Variants in SGMS1 observed in about 807,000 individuals in gnomAD.
SGMS1 encodes the protein phosphatidylcholine:ceramide cholinephosphotransferase 1.
In SGMS1, 13 loss-of-function variants were observed where a neutral mutation model predicts 46.2. The ratio of observed to expected loss-of-function variants is 0.28; its 90% CI spans 0.18 to 0.45. The LOEUF (loss-of-function observed/expected upper bound fraction) is 0.45, where lower values mean the gene tolerates loss of function less well. Among genes scored for constraint, SGMS1 ranks in the 20% least tolerant of loss-of-function variants. SGMS1 has a pLI of 1.00. For missense variants in SGMS1, 324 were observed against 519.9 expected, an observed-to-expected ratio of 0.62 and a Z score of 3.66; for synonymous variants, 203 against 187.8, an observed-to-expected ratio of 1.08 and a Z score of -0.66.
chr10:50,439,634 G>A (rs185500784), intron 5 of SGMS1, among the ~76,000 whole-genome samples: 2 of 152,260 alleles, frequency 1.3e-5, no homozygotes, highest in East Asian at 3.9e-4. Flanking sequence ...AGCTCCTACA[G>A]TACTTCTAAA....
intron 3 of SGMS1, among the ~76,000 whole-genome samples, chr10:50,480,115 C>T (rs894200067): frequency 2.6e-5 from 4 of 151,884 alleles, no homozygotes; most frequent in African/African-American, 9.7e-5. Context: ...GAAGGATGAA[C>T]GTCTATAGTA....
rs749970118 is a variant in SGMS1, at chr10:50,614,059, TTGTC to T, written c.-684+9644_-684+9647del. On this transcript the variant is annotated intron_variant, in intron 1 of 10. Coordinates refer to ENST00000361781, the MANE Select transcript of SGMS1 (RefSeq NM_147156.4). ...TTATGTATCTCAATATACTTTTAAT[TTGTC>T]TGTGCCTAAATTCCTCCATGGGGAT... Among the ~76,000 whole-genome samples the T allele has an allele frequency of 4.6e-5, 7 of 152,334 alleles. No individual in the cohort carries two copies. In the East Asian group the frequency reaches 1.3e-3, roughly 29 times the overall value.
chr10:50,471,012 T>A (rs532541433), intron 3 of SGMS1, among the ~76,000 whole-genome samples: 7 of 152,200 alleles, frequency 4.6e-5, no homozygotes, highest in South Asian at 2.1e-4. Flanking sequence ...TAATGAGGCA[T>A]AAAAATTCCC....
chr10:50,408,276 C>T (rs1043301633), intron 6 of SGMS1, among the ~76,000 whole-genome samples: 1 of 151,890 alleles, frequency 6.6e-6, no homozygotes, highest in African/African-American at 2.4e-5. Context: ...CATAGAAATA[C>T]TAGCCCTTTT....
At chr10:50,459,390 T>G (rs1837236055) in intron 5 of SGMS1, among the ~76,000 whole-genome samples, 1 of 152,186 alleles carries the variant, frequency 6.6e-6, no homozygotes, top group Non-Finnish European at 1.5e-5. Context: ...TAGAGAAGAC[T>G]AAAATTCCAC....
chr10:50,597,683 G>A (rs1440946054), intron 1 of SGMS1, among the ~76,000 whole-genome samples: 1 of 152,150 alleles, frequency 6.6e-6, no homozygotes, highest in Admixed American at 6.5e-5. Flanking sequence ...TATGCTGTTT[G>A]TAGTGGTGGT....
At chr10:50,350,338 T>C (rs1220221972) in intron 6 of SGMS1, among the ~76,000 whole-genome samples, 2 of 152,134 alleles carry the variant, frequency 1.3e-5, no homozygotes, top group Admixed American at 6.5e-5. Context: ...AAGCAAAGCA[T>C]TCAGTTTGAT....
intron 2 of SGMS1, among the ~76,000 whole-genome samples, chr10:50,527,087 A>G (rs1413944974): frequency 7.5e-6 from 1 of 134,210 alleles, no homozygotes; most frequent in African/African-American, 3.1e-5. Context: ...AAAAAAAAAA[A>G]AAGAAAGAAA....
intron 3 of SGMS1, among the ~76,000 whole-genome samples, chr10:50,489,019 T>A (rs1588851000): frequency 1.3e-5 from 2 of 152,342 alleles, no homozygotes; most frequent in South Asian, 4.1e-4. Flanking sequence ...ACTTCTTCAT[T>A]AAATATGTTC....
At chr10:50,475,697 CT>C (rs1837415909) in intron 3 of SGMS1, among the ~76,000 whole-genome samples, 1 of 152,036 alleles carries the variant, frequency 6.6e-6, no homozygotes, top group African/African-American at 2.4e-5. Context: ...CAACGTCCCC[CT>C]AGTGCAATCT....
chr10:50,391,305 T>C (rs11005454), intron 6 of SGMS1, among the ~76,000 whole-genome samples: 4,595 of 152,318 alleles, frequency 0.03, 106 homozygotes, highest in African/African-American at 0.066. Context: ...TTAATACTTT[T>C]CCTTACTTGC....
chr10:50,515,055 C>G (rs1837789598), intron 3 of SGMS1, among the ~76,000 whole-genome samples: 1 of 152,164 alleles, frequency 6.6e-6, no homozygotes, highest in Non-Finnish European at 1.5e-5. Flanking sequence ...TAAAATAATC[C>G]TAACTTTTCA....
intron 3 of SGMS1, among the ~76,000 whole-genome samples, chr10:50,515,551 G>A (rs970583933): frequency 2.0e-5 from 3 of 152,236 alleles, no homozygotes; most frequent in African/African-American, 7.2e-5. Context: ...CAGTGGCAAT[G>A]AGATGTCTTT....
At chr10:50,471,685 G>A (rs563013369) in intron 3 of SGMS1, among the ~76,000 whole-genome samples, 4 of 152,316 alleles carry the variant, frequency 2.6e-5, no homozygotes, top group Admixed American at 1.3e-4. Context: ...TTGCCCAGCA[G>A]TATCTGAGGT....
intron 7 of SGMS1, among the ~76,000 whole-genome samples, chr10:50,338,652 C>T (rs907528749): frequency 1.3e-5 from 2 of 152,090 alleles, no homozygotes; most frequent in Non-Finnish European, 2.9e-5. Flanking sequence ...GAGTTCAGCC[C>T]TTCTCATTAC....
chr10:50,381,825 T>C (rs931403618), intron 6 of SGMS1, among the ~76,000 whole-genome samples: 1 of 152,202 alleles, frequency 6.6e-6, no homozygotes, highest in Non-Finnish European at 1.5e-5. Flanking sequence ...CTCTATCTGT[T>C]ACCACTCAGG....
At position 50,542,658 on chromosome 10, in the gene SGMS1, C is replaced by CAT. The variant is rs386371336; in HGVS notation, c.-588-22739_-588-22738dup. Among the ~76,000 whole-genome samples, 13 of 148,824 alleles carry CAT rather than the reference C, an allele frequency of 8.7e-5. No individual in the cohort carries two copies. The South Asian group carries it at 1.3e-3, about 15-fold the overall frequency. On this transcript the variant is annotated intron_variant, in intron 2 of 10. Transcript: ENST00000361781. ...ACACACACACACATGCACACACACA[C>CAT]ATATACAGAAATGCACTTATAGAGA...
intron 2 of SGMS1, among the ~76,000 whole-genome samples, chr10:50,567,564 C>T (rs1049129283): frequency 1.3e-5 from 2 of 152,174 alleles, no homozygotes; most frequent in African/African-American, 2.4e-5. Context: ...GAGGAACAGG[C>T]TCCAAGCAGC....
chr10:50,341,792 G>A (rs907665299), intron 7 of SGMS1, among the ~76,000 whole-genome samples: 10 of 152,062 alleles, frequency 6.6e-5, no homozygotes, highest in African/African-American at 2.4e-4. Context: ...CCAGGAAAAC[G>A]CAAAATCATA....
Sources: gnomAD v4.1 joint callset for allele counts (sites outside exome capture counted in the v4.1 genomes callset) on GRCh38, gnomAD v4.1.1 for gene constraint, MANE v1.5 for transcripts, NCBI Gene and HGNC (gene_info 2026-07-23, HGNC 2026-07-21) for gene names.